Variants in FGGY observed in about 807,000 individuals in gnomAD.
FGGY encodes FGGY carbohydrate kinase domain-containing protein.
FGGY carries 72 observed loss-of-function variants against 71.3 expected under a neutral mutation model. The observed-to-expected ratio is 1.01, with a 90% CI of 0.84 to 1.23. The LOEUF (loss-of-function observed/expected upper bound fraction) is 1.23, where lower values mean the gene tolerates loss of function less well. Among genes scored for constraint, FGGY ranks in the 50% most tolerant of loss-of-function variants. The pLI is 0.00. For missense variants in FGGY, 668 were observed against 682.3 expected (o/e 0.98, Z 0.23); for synonymous variants, 251 against 250.3 (o/e 1.00, Z -0.02).
chr1:59,709,417 G>A (rs1441121750), intron 14 of FGGY, among the ~76,000 whole-genome samples: 1 of 151,026 alleles, frequency 6.6e-6, no homozygotes, highest in Non-Finnish European at 1.5e-5. Context: ...AATACGTGGG[G>A]ATTACAATTT....
At chr1:59,510,706 T>C (rs1358869928) in intron 6 of FGGY, among the ~76,000 whole-genome samples, 3 of 152,200 alleles carry the variant, frequency 2.0e-5, no homozygotes, top group Non-Finnish European at 4.4e-5. Context: ...CAAATTATTA[T>C]TTTAACATGG....
At chr1:59,567,157 A>G (rs979419415) in intron 8 of FGGY, among the ~76,000 whole-genome samples, 3 of 152,132 alleles carry the variant, frequency 2.0e-5, no homozygotes, top group Non-Finnish European at 4.4e-5. Context: ...AGAGAAAGGG[A>G]GATACAGCAT....
chr1:59,535,984 C>G (rs77224641), intron 7 of FGGY, among the ~76,000 whole-genome samples: 22,387 of 140,144 alleles, frequency 0.16, 2,640 homozygotes, highest in African/African-American at 0.32. Context: ...ACTAAAATCA[C>G]AGCAGAACTG....
intron 13 of FGGY, among the ~76,000 whole-genome samples, chr1:59,669,702 C>G (rs2097360147): frequency 6.6e-6 from 1 of 152,020 alleles, no homozygotes; most frequent in African/African-American, 2.4e-5. Context: ...GCCCCAATTT[C>G]CAGCCTTCTG....
intron 8 of FGGY, among the ~76,000 whole-genome samples, chr1:59,598,228 G>A (rs920738448): frequency 2.0e-5 from 3 of 152,244 alleles, no homozygotes; most frequent in Admixed American, 2.0e-4. Flanking sequence ...GAGCCAGTTA[G>A]GCATTTGTAT....
intron 11 of FGGY, among the ~76,000 whole-genome samples, chr1:59,644,419 G>A (rs922987585): frequency 2.0e-5 from 3 of 152,138 alleles, no homozygotes; most frequent in African/African-American, 7.2e-5. Context: ...GGAGGTGGGG[G>A]ATGAGCAGCC....
At chr1:59,528,153 G>A (rs2095044319) in intron 7 of FGGY, among the ~76,000 whole-genome samples, 1 of 152,232 alleles carries the variant, frequency 6.6e-6, no homozygotes, top group South Asian at 2.1e-4. Flanking sequence ...ATCAAAAACT[G>A]TCTGTACATA....
At chr1:59,427,561 C>T (rs1360047708) in intron 5 of FGGY, among the ~76,000 whole-genome samples, 4 of 152,170 alleles carry the variant, frequency 2.6e-5, no homozygotes, top group Admixed American at 2.0e-4. Flanking sequence ...AACCAGAGTT[C>T]TCCAGGAACA....
chr1:59,719,706 G>A (rs182714975), intron 14 of FGGY, among the ~76,000 whole-genome samples: 42 of 152,210 alleles, frequency 2.8e-4, no homozygotes, highest in Admixed American at 5.2e-4. Context: ...AAAAAAGAGC[G>A]GTGCATGTTA....
intron 6 of FGGY, among the ~76,000 whole-genome samples, chr1:59,477,791 C>T (rs534240007): frequency 7.7e-4 from 117 of 152,242 alleles, no homozygotes; most frequent in African/African-American, 2.6e-3. Context: ...CTGCTTCCCT[C>T]CCCCATTCAT....
intron 11 of FGGY, among the ~76,000 whole-genome samples, chr1:59,644,317 G>A (rs1269237552): frequency 2.0e-5 from 3 of 151,982 alleles, no homozygotes; most frequent in African/African-American, 7.3e-5. Flanking sequence ...TTTTGTTCTG[G>A]TAACAGTTGA....
At chr1:59,604,959 G>C (rs1016489684) in intron 8 of FGGY, among the ~76,000 whole-genome samples, 1 of 152,142 alleles carries the variant, frequency 6.6e-6, no homozygotes, top group African/African-American at 2.4e-5. Flanking sequence ...ATTTTCACTG[G>C]GCAAAGAAAG....
intron 6 of FGGY, among the ~76,000 whole-genome samples, chr1:59,470,858 G>C (rs941158759): frequency 2.6e-5 from 4 of 152,194 alleles, no homozygotes; most frequent in Non-Finnish European, 5.9e-5. Context: ...ATTTTGATTT[G>C]AATGAGCCAT....
chr1:59,466,462 A>C (rs1416220937), intron 6 of FGGY, among the ~76,000 whole-genome samples: 1 of 152,234 alleles, frequency 6.6e-6, no homozygotes, highest in African/African-American at 2.4e-5. Flanking sequence ...CTTCATGTCT[A>C]AAACACCAAA....
At chr1:59,360,382 C>T (rs1259079452) in intron 4 of FGGY, among the ~76,000 whole-genome samples, 3 of 152,094 alleles carry the variant, frequency 2.0e-5, no homozygotes, top group South Asian at 4.1e-4. Flanking sequence ...GACAAGCCCA[C>T]GGACCTGAGA....
chr1:59,601,288 G>A (rs1055731553), intron 8 of FGGY, among the ~76,000 whole-genome samples: 5 of 152,214 alleles, frequency 3.3e-5, no homozygotes, highest in Non-Finnish European at 7.3e-5. Context: ...AACAAACGGA[G>A]CTGGAGCAGC....
intron 8 of FGGY, among the ~76,000 whole-genome samples, chr1:59,566,474 A>C (rs1042915350): frequency 5.3e-5 from 8 of 152,270 alleles, no homozygotes; most frequent in African/African-American, 1.9e-4. Context: ...CTTTCACTTA[A>C]CCAATGGTTA....
chr1:59,465,563 A>G (rs997879712), intron 6 of FGGY, among the ~76,000 whole-genome samples: 35 of 152,322 alleles, frequency 2.3e-4, no homozygotes, highest in Middle Eastern at 3.4e-3. Context: ...GAGGAAGTCA[A>G]ATTGTCCCTG....
At chr1:59,518,033 A>G (rs1305209082) in intron 7 of FGGY, among the ~76,000 whole-genome samples, 2 of 152,196 alleles carry the variant, frequency 1.3e-5, no homozygotes, top group African/African-American at 4.8e-5. Context: ...TAGCACAACT[A>G]TTTGATTACC....
Sources: allele counts gnomAD v4.1 joint callset (sites outside exome capture counted in the v4.1 genomes callset), GRCh38; gene constraint gnomAD v4.1.1; transcripts MANE v1.5; gene names NCBI Gene and HGNC (gene_info 2026-07-23, HGNC 2026-07-21).